The following LVRN variants were observed in gnomAD, a reference collection of about 807,000 sequenced individuals.
LVRN encodes aminopeptidase Q.
A neutral mutation model predicts 111.4 loss-of-function variants in LVRN; 99 were observed. The ratio of observed to expected loss-of-function variants is 0.89; its 90% CI spans 0.76 to 1.05. LVRN has a LOEUF of 1.05. Among genes scored for constraint, LVRN ranks in the 50% least tolerant of loss-of-function variants. The probability of loss-of-function intolerance (pLI) is 0.00; values close to 1 mark genes in which losing one functional copy is unlikely to be tolerated. For missense variants in LVRN, 1,414 were observed against 1,206.8 expected (o/e 1.17, Z -2.54); for synonymous variants, 488 against 449.5 (o/e 1.09, Z -1.08).
chr5:115,989,263 C>T (rs1291113354), intron 4 of LVRN, among the ~76,000 whole-genome samples: 1 of 152,194 alleles, frequency 6.6e-6, no homozygotes, highest in East Asian at 1.9e-4. Context: ...TTACCAACCT[C>T]TCAGGGCTTT....
intron 2 of LVRN, among the ~76,000 whole-genome samples, chr5:115,984,174 TGAAACCTGAGAGG>T (rs1341869421): frequency 6.6e-6 from 1 of 152,174 alleles, no homozygotes; most frequent in Non-Finnish European, 1.5e-5. Context: ...AGTCTTAGTT[TGAAACCTGAGAGG>T]AGTAGAATTG....
At position 116,000,677 on chromosome 5, in the gene LVRN, G is replaced by C. The variant is rs1748219163; in HGVS notation, c.1647+19G>C. 2 of 1,611,706 alleles carry C rather than the reference G, an allele frequency of 1.2e-6. No homozygotes were observed. Among genetic ancestry groups the C allele is most frequent in the East Asian group, 2.2e-5 (1 of 44,854 alleles). On this transcript the variant is annotated intron_variant, in intron 9 of 19. Transcript: ENST00000357872. ...TCAAATGGTAATTGTCCTACTTTCT[G>C]ACACATTCTTGCTGAGTTGTTTTGT...
At chr5:116,016,106 A>C in intron 18 of LVRN, among the ~76,000 whole-genome samples, 1 of 152,174 alleles carries the variant, frequency 6.6e-6, no homozygotes, top group East Asian at 1.9e-4. Context: ...ACTCAAATTA[A>C]TTTGCTTTCT....
chr5:115,992,855 T>C (rs1008837288), intron 5 of LVRN, among the ~76,000 whole-genome samples: 1 of 152,242 alleles, frequency 6.6e-6, no homozygotes, highest in Admixed American at 6.5e-5. Context: ...AAGATTTTCA[T>C]ATCTGCATTT....
At chr5:115,982,339 G>T (rs1305981365) in intron 1 of LVRN, among the ~76,000 whole-genome samples, 1 of 152,140 alleles carries the variant, frequency 6.6e-6, no homozygotes, top group African/African-American at 2.4e-5. Context: ...AGATATCTTT[G>T]TTGAATTCAC....
chr5:115,963,252 T>C lies in LVRN; in HGVS notation c.635T>C (p.Val212Ala), dbSNP rs376379323. The part of the protein sequence containing the change: ...YELQLSFSGL[V>A]KEDLREGLFL... ...CTGCAGCTTAGCTTCTCGGGCCTGG[T>C]GAAGGAAGACCTCAGGGAGGGACTC... Residue 212 changes from valine to alanine, a missense_variant, in exon 1 of 20, where the codon GTG (valine) becomes GCG (alanine). Transcript: ENST00000357872. The C allele has an allele frequency of 1.7e-5, 28 of 1,612,642 alleles. No individual in the cohort carries two copies. Among genetic ancestry groups the C allele is most frequent in the Non-Finnish European group, 2.2e-5 (26 of 1,179,906 alleles).
chr5:116,014,296 AC>A, intron 15 of LVRN, 123 bp from the exon 16 acceptor site: 1 of 701,892 alleles, frequency 1.4e-6, no homozygotes, highest in African/African-American at 1.8e-5. Flanking sequence ...TTTAAAACAA[AC>A]CTGATGTCAT....
chr5:116,019,193 A>G (rs920816060), intron 18 of LVRN, among the ~76,000 whole-genome samples: 5 of 152,222 alleles, frequency 3.3e-5, no homozygotes, highest in African/African-American at 1.2e-4. Flanking sequence ...CACAGCGACA[A>G]GTATTTGTGT....
At chr5:115,970,348 C>T (rs1256185247) in intron 1 of LVRN, among the ~76,000 whole-genome samples, 3 of 150,546 alleles carry the variant, frequency 2.0e-5, no homozygotes, top group African/African-American at 7.3e-5. Flanking sequence ...TCATGTCTAA[C>T]TTCTTTCGTT....
chr5:116,000,701 G>C, intron 9 of LVRN, 43 bp downstream of exon 9: 1 of 1,595,188 alleles, frequency 6.3e-7, no homozygotes, highest in Non-Finnish European at 8.6e-7. Flanking sequence ...GAGTTGTTTT[G>C]TATGATACAG....
In LVRN at chr5:115,967,007, T is replaced by C. The variant is rs190377376; in HGVS notation, c.695+3695T>C. ...ATAGATTTTATTTTTTACTGTTGAA[T>C]TCTGGAAGTTCTTTATATATTCTAG... is the stretch of plus-strand genomic sequence containing the variant. On this transcript the variant is annotated intron_variant, in intron 1 of 19. Transcript: ENST00000357872. Among the ~76,000 whole-genome samples the C allele has an allele frequency of 2.0e-3, 307 of 152,356 alleles. 2 individuals carry two copies. The highest frequency in any genetic ancestry group is 2.8e-3 in the Non-Finnish European group (191 of 68,026).
chr5:116,008,375 G>A (rs1748420778), intron 13 of LVRN, among the ~76,000 whole-genome samples: 1 of 151,874 alleles, frequency 6.6e-6, no homozygotes, highest in African/African-American at 2.4e-5. Flanking sequence ...AATAAAATTA[G>A]GCCAATTAAT....
At chr5:116,022,738 A>AT (rs1201846540) in intron 19 of LVRN, among the ~76,000 whole-genome samples, 1 of 152,182 alleles carries the variant, frequency 6.6e-6, no homozygotes, top group East Asian at 1.9e-4. Flanking sequence ...GCTTCCCTCC[A>AT]TCCCACCTTT....
At chr5:116,015,499 T>C in intron 17 of LVRN, 80 bp downstream of exon 17, 3 of 1,476,872 alleles carry the variant, frequency 2.0e-6, no homozygotes, top group South Asian at 2.9e-5. Flanking sequence ...AATGTGCTAA[T>C]GTAAGTATTA....
intron 13 of LVRN, 163 bp from the exon 14 acceptor site, chr5:116,010,578 G>C: frequency 2.7e-6 from 2 of 751,130 alleles, no homozygotes; most frequent in Non-Finnish European, 4.5e-6. Context: ...ACTTTGCTTG[G>C]GTTTCATCCT....
At chr5:115,983,197 G>A (rs774854319) in intron 1 of LVRN, 90 bp from the exon 2 acceptor site, 29 of 1,390,766 alleles carry the variant, frequency 2.1e-5, no homozygotes, top group Admixed American at 2.9e-5. Context: ...AACACACCAG[G>A]CTAACTTACA....
At chr5:115,965,497 G>A (rs546377168) in intron 1 of LVRN, among the ~76,000 whole-genome samples, 5 of 152,302 alleles carry the variant, frequency 3.3e-5, no homozygotes, top group African/African-American at 1.2e-4. Context: ...TTATAGATCA[G>A]GGAGTTTAGA....
intron 1 of LVRN, among the ~76,000 whole-genome samples, chr5:115,967,996 T>C (rs992307276): frequency 9.9e-5 from 15 of 152,206 alleles, no homozygotes; most frequent in African/African-American, 3.6e-4. Flanking sequence ...GTAGAGCCCT[T>C]GGAATTGTCT....
Position 115,984,667 on chromosome 5 carries a change from A to T in LVRN, c.936A>T (p.Ile312=), listed in dbSNP as rs1747813035. The change falls in exon 3 of 20, where the codon ATA becomes ATT. Residue 312 remains isoleucine, a synonymous_variant. Coordinates refer to ENST00000357872, the MANE Select transcript of LVRN (RefSeq NM_173800.5). The part of the protein sequence containing the change: ...HMPTYLVAFV[I]CDYDHVNRTE... ...CAACTTACTTAGTCGCATTTGTTAT[A>T]TGTGACTATGACCACGTCAACAGAA... 4.3e-6 allele frequency: 7 copies of T among 1,613,704 alleles called. No individual in the cohort carries two copies. The highest frequency in any genetic ancestry group is 5.9e-6 in the Non-Finnish European group (7 of 1,179,760).
Sources: allele counts gnomAD v4.1 joint callset (sites outside exome capture counted in the v4.1 genomes callset), GRCh38; gene constraint gnomAD v4.1.1; transcripts MANE v1.5; gene names NCBI Gene and HGNC (gene_info 2026-07-23, HGNC 2026-07-21).